SESTD1: variants seen among roughly 807,000 people sequenced by gnomAD.
SESTD1 encodes SEC14 domain and spectrin repeat-containing protein 1.
In SESTD1, 43 loss-of-function variants were observed where a neutral mutation model predicts 101.7. The observed-to-expected ratio is 0.42, with a 90% confidence interval of 0.33 to 0.55. The LOEUF (loss-of-function observed/expected upper bound fraction) is 0.55. SESTD1 is among the 20% of genes least tolerant of loss of function. The pLI is 0.07. For missense variants in SESTD1, 647 were observed against 815.1 expected, an observed-to-expected ratio of 0.79 and a Z score of 2.51; for synonymous variants, 283 against 286.8, an observed-to-expected ratio of 0.99 and a Z score of 0.13.
intron 1 of SESTD1, among the ~76,000 whole-genome samples, chr2:179,250,253 G>T (rs577169863): frequency 1.3e-5 from 2 of 152,044 alleles, no homozygotes; most frequent in African/African-American, 2.4e-5. Context: ...AGGATATACC[G>T]ATGACAAGCA....
At chr2:179,152,606 T>C (rs962703120) in intron 5 of SESTD1, among the ~76,000 whole-genome samples, 1 of 152,178 alleles carries the variant, frequency 6.6e-6, no homozygotes, top group African/African-American at 2.4e-5. Context: ...ATCCATACTG[T>C]ATATGAAGTT....
At chr2:179,173,674 G>T (rs2105476090) in intron 4 of SESTD1, among the ~76,000 whole-genome samples, 1 of 152,228 alleles carries the variant, frequency 6.6e-6, no homozygotes, top group Non-Finnish European at 1.5e-5. Context: ...TACTTCGTAT[G>T]CTCTGAACCT....
chr2:179,166,423 G>A (rs956430653), intron 5 of SESTD1, among the ~76,000 whole-genome samples: 1 of 152,086 alleles, frequency 6.6e-6, no homozygotes, highest in African/African-American at 2.4e-5. Flanking sequence ...TGACCTTAGA[G>A]GACAACTGAA....
intron 5 of SESTD1, among the ~76,000 whole-genome samples, chr2:179,158,256 G>A (rs1430301248): frequency 1.3e-5 from 2 of 152,138 alleles, no homozygotes; most frequent in African/African-American, 2.4e-5. Flanking sequence ...CTAATGAGTT[G>A]TTATCTGATA....
intron 2 of SESTD1, 70 bp downstream of exon 2, chr2:179,191,717 T>C: frequency 1.6e-6 from 2 of 1,275,692 alleles, no homozygotes; most frequent in Non-Finnish European, 2.2e-6. Flanking sequence ...GCATCTGTCA[T>C]ACTTAACAAA....
rs2044451769 is a variant in SESTD1 at position 179,109,106 on chromosome 2, A to C, written c.*793T>G. ...TTCCATTATTAATAAGTTCTTAAAG[A>C]TCTAAATTGTTCACAATAATTTTTC... On this transcript the variant is annotated 3_prime_UTR_variant, in exon 18 of 18. Coordinates refer to ENST00000428443, the MANE Select transcript of SESTD1 (RefSeq NM_178123.5). 2 of 152,564 alleles carry C rather than the reference A, an allele frequency of 1.3e-5. No homozygotes were observed. Among genetic ancestry groups the C allele is most frequent in the Non-Finnish European group, 2.9e-5 (2 of 68,002 alleles). The allele number at this position is 152,564 out of a possible 1,614,324, so 9.5% of individuals were successfully genotyped here.
intron 4 of SESTD1, among the ~76,000 whole-genome samples, chr2:179,173,311 A>G (rs1575460888): frequency 6.6e-6 from 1 of 152,106 alleles, no homozygotes; most frequent in African/African-American, 2.4e-5. Flanking sequence ...TCTTCATAGC[A>G]TTTATCACCA....
chr2:179,147,844 A>G (rs1013680851), intron 7 of SESTD1, among the ~76,000 whole-genome samples: 68 of 152,232 alleles, frequency 4.5e-4, no homozygotes, highest in African/African-American at 1.5e-3. Context: ...CCCAAGGAAT[A>G]TAACTAAGAA....
intron 1 of SESTD1, among the ~76,000 whole-genome samples, chr2:179,238,501 C>T (rs563934400): frequency 2.6e-5 from 4 of 152,140 alleles, no homozygotes; most frequent in Non-Finnish European, 5.9e-5. Context: ...AATACTTTGA[C>T]AATTATCTAA....
chr2:179,131,534 T>A (rs940909845), intron 10 of SESTD1, among the ~76,000 whole-genome samples: 1 of 152,148 alleles, frequency 6.6e-6, no homozygotes, highest in African/African-American at 2.4e-5. Context: ...GATTCAAATT[T>A]TATTTTTCCA....
intron 5 of SESTD1, among the ~76,000 whole-genome samples, chr2:179,155,109 T>C (rs1284082974): frequency 6.6e-6 from 1 of 151,606 alleles, no homozygotes; most frequent in Non-Finnish European, 1.5e-5. Flanking sequence ...AGAGACGAGG[T>C]TTTACCATGT....
intron 16 of SESTD1, among the ~76,000 whole-genome samples, chr2:179,114,858 T>A (rs1403575076): frequency 6.6e-6 from 1 of 152,238 alleles, no homozygotes; most frequent in East Asian, 1.9e-4. Context: ...ATTTCTCCAA[T>A]CATGGCTCTC....
At chr2:179,259,648 T>C (rs2105562493) in intron 1 of SESTD1, among the ~76,000 whole-genome samples, 1 of 152,314 alleles carries the variant, frequency 6.6e-6, no homozygotes, top group South Asian at 2.1e-4. Flanking sequence ...TAGGGCTTAA[T>C]GTTCTTTCCA....
Position 179,112,773 on chromosome 2 carries a change from CA to C in SESTD1, c.1911del (p.Lys639AsnfsTer7), listed in dbSNP as rs1559094740. ...DEEQFDEIEA[V>X]GKSLLDRLTV... ...GTTAATCTATCCAAAAGTGATTTCC[CA>C]ACTGCTTCAATTTCATCAAATTGCT... is the stretch of plus-strand genomic sequence containing the variant. On this transcript the variant is annotated frameshift_variant, in exon 17 of 18. Transcript: ENST00000428443. LOFTEE classifies it high-confidence loss of function. The C allele has an allele frequency of 6.2e-7, 1 of 1,613,178 alleles. No individual in the cohort carries two copies. Among genetic ancestry groups the C allele is most frequent in the Non-Finnish European group, 8.5e-7 (1 of 1,179,962 alleles).
chr2:179,127,431 A>G (rs1356081823), intron 10 of SESTD1, among the ~76,000 whole-genome samples: 3 of 152,254 alleles, frequency 2.0e-5, no homozygotes, highest in Non-Finnish European at 4.4e-5. Flanking sequence ...GACACATAGT[A>G]TGTGCTCAAT....
chr2:179,125,998 A>C (rs1049978365), intron 10 of SESTD1, among the ~76,000 whole-genome samples: 3 of 152,146 alleles, frequency 2.0e-5, no homozygotes, highest in Non-Finnish European at 4.4e-5. Flanking sequence ...TTGCTCTCAC[A>C]GTTATCTTCT....
rs762053016 is a variant in SESTD1, at chr2:179,117,526, C to T, written c.1524+6G>A. The T allele has an allele frequency of 3.8e-6, 6 of 1,567,160 alleles. No homozygotes were observed. The highest frequency in any genetic ancestry group is 2.1e-5 in the Admixed American group (1 of 48,566). On this transcript the variant is annotated splice_donor_region_variant and intron_variant, in intron 14 of 17. Coordinates refer to ENST00000428443, the MANE Select transcript of SESTD1 (RefSeq NM_178123.5). ...TAACTACATAATGTAGCTGACTGCT[C>T]CTTACCTGGGCAGCATCTTCTTCAC...
At chr2:179,181,858 A>G (rs1188895529) in intron 3 of SESTD1, among the ~76,000 whole-genome samples, 1 of 152,104 alleles carries the variant, frequency 6.6e-6, no homozygotes, top group Non-Finnish European at 1.5e-5. Context: ...AGCTTGGGGG[A>G]TTAGCAAGAT....
intron 1 of SESTD1, among the ~76,000 whole-genome samples, chr2:179,244,095 C>A (rs1422307073): frequency 2.0e-5 from 3 of 151,662 alleles, no homozygotes; most frequent in African/African-American, 7.3e-5. Context: ...TACATTACAG[C>A]CTGGGTGACA....
Sources: gnomAD v4.1 joint callset for allele counts (sites outside exome capture counted in the v4.1 genomes callset) on GRCh38, gnomAD v4.1.1 for gene constraint, MANE v1.5 for transcripts, NCBI Gene and HGNC (gene_info 2026-07-23, HGNC 2026-07-21) for gene names.